Variants in SNRPN observed in about 807,000 individuals in gnomAD.
SNRPN encodes small nuclear ribonucleoprotein-associated protein N.
A neutral mutation model predicts 25.2 loss-of-function variants in SNRPN; 7 were observed. The observed-to-expected ratio is 0.28, with a 90% CI of 0.16 to 0.52. SNRPN has a LOEUF of 0.52. Ranked by LOEUF, SNRPN falls within the 20% of genes least tolerant of loss-of-function variation. The pLI, the probability that SNRPN is intolerant of heterozygous loss-of-function variation, is 0.96. For synonymous variants in SNRPN, 124 were observed against 110.6 expected (o/e 1.12, Z -0.76); for missense variants, 196 against 322.5 (o/e 0.61, Z 3.00).
chr15:24,956,790 G>T (rs2062997418), intron 1 of SNRPN, among the ~76,000 whole-genome samples: 1 of 152,172 alleles, frequency 6.6e-6, no homozygotes. Context: ...GAGGACTGGA[G>T]GGGAATGTGG....
At chr15:24,866,602 T>A (rs1024278493) in intron 1 of SNRPN, among the ~76,000 whole-genome samples, 6 of 152,104 alleles carry the variant, frequency 3.9e-5, no homozygotes, top group Admixed American at 2.0e-4. Context: ...TGTTTTTAAC[T>A]AGAGAAACCA....
At chr15:24,887,075 A>G (rs2057261446) in intron 2 of SNRPN, among the ~76,000 whole-genome samples, 2 of 150,950 alleles carry the variant, frequency 1.3e-5, no homozygotes, top group Admixed American at 1.3e-4. Context: ...TCTCCATCTT[A>G]TCTTCTCCTT....
At chr15:24,977,725 G>T in intron 7 of SNRPN, 53 bp from the exon 8 acceptor site, 1 of 1,503,402 alleles carries the variant, frequency 6.7e-7, no homozygotes, top group South Asian at 1.3e-5. Flanking sequence ...TTCTGTGTTT[G>T]AATAATGTGA....
chr15:24,868,213 G>A (rs2054774580), intron 1 of SNRPN, among the ~76,000 whole-genome samples: 1 of 151,836 alleles, frequency 6.6e-6, no homozygotes, highest in African/African-American at 2.4e-5. Flanking sequence ...AATTACCAAA[G>A]TACAAATGAC....
intron 1 of SNRPN, among the ~76,000 whole-genome samples, chr15:24,881,786 GT>G (rs1171193386): frequency 7.9e-5 from 12 of 152,180 alleles, no homozygotes; most frequent in South Asian, 2.1e-4. Flanking sequence ...TGAGTTCTGG[GT>G]TTATCAGTTA....
At chr15:24,974,770 G>A in intron 4 of SNRPN, 3 of 616,618 alleles carry the variant, frequency 4.9e-6, no homozygotes, top group Non-Finnish European at 5.7e-6. Flanking sequence ...TGTTGGCCAG[G>A]CTGGTCTCAG....
intron 2 of SNRPN, among the ~76,000 whole-genome samples, chr15:24,892,349 A>G (rs552792060): frequency 3.0e-4 from 45 of 152,156 alleles, no homozygotes; most frequent in Non-Finnish European, 5.9e-4. Context: ...TCCAGGACTC[A>G]AAGGAACTGA....
intron 1 of SNRPN, among the ~76,000 whole-genome samples, chr15:24,878,079 T>G (rs1279269090): frequency 6.6e-6 from 1 of 152,214 alleles, no homozygotes; most frequent in African/African-American, 2.4e-5. Flanking sequence ...ATTAAATCCT[T>G]GAGTAAATGA....
At chr15:24,967,869 A>T in intron 2 of SNRPN, 63 bp from the exon 3 acceptor site, 1 of 1,412,796 alleles carries the variant, frequency 7.1e-7, no homozygotes, top group Non-Finnish European at 1.0e-6. Context: ...GTTTTCTTTC[A>T]TATGGTTTCC....
At chr15:24,965,337 A>G (rs2075450750) in intron 2 of SNRPN, among the ~76,000 whole-genome samples, 1 of 152,146 alleles carries the variant, frequency 6.6e-6, no homozygotes, top group African/African-American at 2.4e-5. Context: ...CAGGAGTTCA[A>G]GACCAGCCTG....
At chr15:24,904,038 C>CAAA (rs772062635) in intron 2 of SNRPN, among the ~76,000 whole-genome samples, 1 of 109,834 alleles carries the variant, frequency 9.1e-6, no homozygotes, top group Non-Finnish European at 1.9e-5. Flanking sequence ...AGTCCTGTCT[C>CAAA]AAAAAAAAAA....
chr15:24,924,067 C>G (rs1174104341), intron 3 of SNRPN, among the ~76,000 whole-genome samples: 1 of 150,934 alleles, frequency 6.6e-6, no homozygotes, highest in Non-Finnish European at 1.5e-5. Context: ...GGAGTCTTTC[C>G]TCCTGTACAG....
intron 3 of SNRPN, among the ~76,000 whole-genome samples, chr15:24,948,130 G>C (rs1174708955): frequency 2.6e-5 from 4 of 151,778 alleles, no homozygotes; most frequent in Non-Finnish European, 4.4e-5. Context: ...TTTATGTTTT[G>C]AGATGGAGTC....
chr15:24,916,236 A>C (rs925941481), intron 2 of SNRPN, among the ~76,000 whole-genome samples: 2 of 152,186 alleles, frequency 1.3e-5, no homozygotes, highest in South Asian at 2.1e-4. Flanking sequence ...CTGGGATTAC[A>C]GGCGTGAGCC....
At chr15:24,874,278 C>T (rs2055599656) in intron 1 of SNRPN, among the ~76,000 whole-genome samples, 1 of 138,700 alleles carries the variant, frequency 7.2e-6, no homozygotes, top group African/African-American at 2.8e-5. Flanking sequence ...CCACTGCACT[C>T]CAGCCTGGGT....
At chr15:24,869,144 CA>C (rs943083881) in intron 1 of SNRPN, among the ~76,000 whole-genome samples, 3 of 151,318 alleles carry the variant, frequency 2.0e-5, no homozygotes, top group East Asian at 1.9e-4. Context: ...TACCGTGTCT[CA>C]AAAAAAATGG....
At chr15:24,847,849 A>G (rs529790544) in intron 2 of SNRPN, among the ~76,000 whole-genome samples, 1 of 152,272 alleles carries the variant, frequency 6.6e-6, no homozygotes, top group South Asian at 2.1e-4. Context: ...TACTTCGGAT[A>G]TAACTGTAAA....
At chr15:24,922,000 A>T (rs1469676982) in intron 3 of SNRPN, among the ~76,000 whole-genome samples, 4 of 148,726 alleles carry the variant, frequency 2.7e-5, no homozygotes, top group African/African-American at 9.9e-5. Context: ...GGAGTTTGAG[A>T]CCAGCCTGGC....
At chr15:24,890,005 G>A (rs940991920) in intron 2 of SNRPN, among the ~76,000 whole-genome samples, 1 of 140,678 alleles carries the variant, frequency 7.1e-6, no homozygotes, top group African/African-American at 2.7e-5. Flanking sequence ...AGCTGAGATC[G>A]CACCTCTGCA....
Sources: gnomAD v4.1 joint callset for allele counts (sites outside exome capture counted in the v4.1 genomes callset) on GRCh38, gnomAD v4.1.1 for gene constraint, MANE v1.5 for transcripts, NCBI Gene and HGNC (gene_info 2026-07-23, HGNC 2026-07-21) for gene names.